Variants in ACOT7 observed in about 807,000 individuals in gnomAD.
ACOT7 encodes the protein cytosolic acyl coenzyme A thioester hydrolase.
In ACOT7, 12 loss-of-function variants were observed where a neutral mutation model predicts 40.2. The observed-to-expected ratio is 0.30, with a 90% CI of 0.19 to 0.48. ACOT7 has a LOEUF of 0.48. Ranked by LOEUF, ACOT7 falls within the 20% of genes least tolerant of loss-of-function variation. The pLI is 0.99. For missense variants in ACOT7, 395 were observed against 530.8 expected, an observed-to-expected ratio of 0.74 and a Z score of 2.51; for synonymous variants, 228 against 219.5, an observed-to-expected ratio of 1.04 and a Z score of -0.34.
intron 6 of ACOT7, among the ~76,000 whole-genome samples, chr1:6,314,848 C>T (rs181403802): frequency 5.9e-5 from 9 of 152,120 alleles, no homozygotes; most frequent in Admixed American, 1.3e-4. Flanking sequence ...GCAGAGACCC[C>T]GCCAACCCTC....
Position 6,358,132 on chromosome 1 carries a change from G to C in ACOT7, c.144-8266C>G, listed in dbSNP as rs1430901996. ...GATCCACCTGCCTCGGCCTCCCAAA[G>C]TGCTGAGATTACAGGCGTGAGTCAC... is the stretch of plus-strand genomic sequence containing the variant. On this transcript the variant is annotated intron_variant, in intron 1 of 8. Transcript: ENST00000361521. The surrounding 1 kb of genome is among the most constrained non-coding windows in gnomAD (Gnocchi z 4.1). Among the ~76,000 whole-genome samples the C allele has an allele frequency of 6.6e-6, 1 of 152,018 alleles. No individual in the cohort carries two copies. Among genetic ancestry groups the C allele is most frequent in the Non-Finnish European group, 1.5e-5 (1 of 67,996 alleles).
intron 1 of ACOT7, among the ~76,000 whole-genome samples, chr1:6,389,417 G>A (rs1020798385): frequency 2.0e-4 from 31 of 152,096 alleles, no homozygotes; most frequent in Non-Finnish European, 3.7e-4. Context: ...TCCCCAGAAA[G>A]CCTTGGAGCT....
intron 4 of ACOT7, among the ~76,000 whole-genome samples, chr1:6,332,399 G>A (rs948377091): frequency 3.9e-5 from 6 of 152,194 alleles, no homozygotes; most frequent in African/African-American, 9.7e-5. Context: ...TTTAGGCAAC[G>A]AATTAAATTT....
At chr1:6,350,974 C>T (rs1324475655) in intron 1 of ACOT7, among the ~76,000 whole-genome samples, 1 of 152,230 alleles carries the variant, frequency 6.6e-6, no homozygotes, top group Non-Finnish European at 1.5e-5. Context: ...GCAGATCGCA[C>T]ACTCACTCCA....
rs534088896 is a variant in ACOT7 at position 6,337,386 on chromosome 1, C to T, written c.418+2047G>A. 1.4e-3 allele frequency among the ~76,000 whole-genome samples: 206 copies of T among 152,358 alleles called. 1 individual carries two copies. Among genetic ancestry groups the T allele is most frequent in the Admixed American group, 2.9e-3 (44 of 15,310 alleles). The stretch of plus-strand genomic sequence containing the variant: ...TCCTCACGAATATGTCAGATTGTGT[C>T]GTCCTCATCAAAACCCCATCAGCCA... On this transcript the variant is annotated intron_variant, in intron 3 of 8. Transcript: ENST00000361521.
In ACOT7 at chr1:6,282,166, A is replaced by G. The variant is rs3827720; in HGVS notation, c.830-880T>C. Among the ~76,000 whole-genome samples, 36,727 of 151,682 alleles carry G rather than the reference A, an allele frequency of 0.24. 7,888 individuals carry two copies. The highest frequency in any genetic ancestry group is 0.58 in the African/African-American group (24,013 of 41,354). The stretch of plus-strand genomic sequence containing the variant: ...GACCCAGAGCTGCTCTTCTGCCCCC[A>G]CCACCCTCCCCGGCCTGGGCTCCAT... On this transcript the variant is annotated intron_variant, in intron 7 of 8. Transcript: ENST00000361521. The surrounding 1 kb of genome is among the most constrained non-coding windows in gnomAD (Gnocchi z 4.5).
intron 1 of ACOT7, among the ~76,000 whole-genome samples, chr1:6,370,472 T>G (rs1441873103): frequency 2.9e-5 from 3 of 102,032 alleles, no homozygotes; most frequent in African/African-American, 9.0e-5. Context: ...ATTATTATTA[T>G]TATTATTATT....
rs1641172476 is a variant in ACOT7 at position 6,338,530 on chromosome 1, C to T, written c.418+903G>A. Among the ~76,000 whole-genome samples, 2 of 152,230 alleles carry T rather than the reference C, an allele frequency of 1.3e-5. No individual in the cohort carries two copies. The highest frequency in any genetic ancestry group is 4.1e-4 in the South Asian group (2 of 4,834). On this transcript the variant is annotated intron_variant, in intron 3 of 8. Transcript: ENST00000361521. This position sits in a 1 kb window ranked among gnomAD's most constrained non-coding sequence, Gnocchi z 4.4. Reference sequence around the variant, plus strand: ...CCCTTGCTCAGCTCCATCTGCCCACCTGCCGGAGCTGGGCTGACACAGCCA... The same window carrying T: ...CCCTTGCTCAGCTCCATCTGCCCACTTGCCGGAGCTGGGCTGACACAGCCA...
In ACOT7 at chr1:6,393,296, C is replaced by A; in HGVS notation, c.104G>T (p.Gly35Val). ...GGCGGACGGCGTCTCGACGTCTGGGCCCGACATGCTGGGGGCTGCGGCGGC... is the reference window on the plus strand; with the variant it reads ...GGCGGACGGCGTCTCGACGTCTGGGACCGACATGCTGGGGGCTGCGGCGGC... ...ASAAAAPSMS[G>V]PDVETPSAIQ... is the part of the protein sequence containing the mutation. Residue 35 changes from glycine to valine, a missense_variant, in exon 1 of 9, where the codon GGC (glycine) becomes GTC (valine). Gly to Val is a moderately radical substitution (Grantham distance 109). This residue lies in a region of ACOT7 where 86 missense variants were observed against 60.5 expected (regional missense o/e 1.42). Transcript: ENST00000361521. 1 of 1,284,400 alleles carries A rather than the reference C, an allele frequency of 7.8e-7. No individual in the cohort carries two copies. The highest frequency in any genetic ancestry group is 9.8e-7 in the Non-Finnish European group (1 of 1,015,320). The allele number at this position is 1,284,400 out of a possible 1,614,324, so 79.6% of individuals were successfully genotyped here. A position where few individuals can be genotyped will look rare whatever the true frequency, so the allele number is the denominator to read the frequency against.
At chr1:6,317,048 A>G (rs1254955891) in intron 6 of ACOT7, among the ~76,000 whole-genome samples, 1 of 152,220 alleles carries the variant, frequency 6.6e-6, no homozygotes, top group Non-Finnish European at 1.5e-5. Flanking sequence ...TGAGTGGAGA[A>G]GAAAACAGAA....
chr1:6,289,819 C>T lies in ACOT7; in HGVS notation c.829+5045G>A, dbSNP rs573176303. On this transcript the variant is annotated intron_variant, in intron 7 of 8. Coordinates refer to ENST00000361521, the MANE Select transcript of ACOT7 (RefSeq NM_007274.4). The surrounding 1 kb of genome is among the most constrained non-coding windows in gnomAD (Gnocchi z 4.6). ...AGCCAAAACTACAGGCTTGAGCCAT[C>T]GTGCCCAGGCCCAGCTATTTTTCTA... 3.0e-4 allele frequency among the ~76,000 whole-genome samples: 45 copies of T among 152,314 alleles called. No homozygotes were observed. Among genetic ancestry groups the T allele is most frequent in the South Asian group, 2.5e-3 (12 of 4,828 alleles).
intron 8 of ACOT7, among the ~76,000 whole-genome samples, chr1:6,268,680 C>T (rs115870803): frequency 0.01 from 1,584 of 152,366 alleles, 29 homozygotes; most frequent in African/African-American, 0.035. Context: ...GCACGCGGCA[C>T]GGCCCGAACG....
intron 4 of ACOT7, among the ~76,000 whole-genome samples, chr1:6,331,470 A>G (rs7525856): frequency 0.99 from 151,003 of 152,352 alleles, 74,837 homozygotes; most frequent in Middle Eastern, 1. Flanking sequence ...TGGAGGGCGC[A>G]GGGCCTTGCC....
At position 6,337,795 on chromosome 1, in the gene ACOT7, C is replaced by T. The variant is rs774396755; in HGVS notation, c.418+1638G>A. 1.2e-4 allele frequency among the ~76,000 whole-genome samples: 19 copies of T among 152,148 alleles called. No individual in the cohort carries two copies. In the Middle Eastern group the frequency reaches 0.014, roughly 109 times the overall value. ...TTTCAGACCACCCTGGCCATCATGG[C>T]GAAACCCTGTCTTTACTAAAAATAC... On this transcript the variant is annotated intron_variant, in intron 3 of 8. Coordinates refer to ENST00000361521, the MANE Select transcript of ACOT7 (RefSeq NM_007274.4).
chr1:6,303,473 G>T (rs1005858028), intron 6 of ACOT7, among the ~76,000 whole-genome samples: 11 of 152,060 alleles, frequency 7.2e-5, no homozygotes, highest in Admixed American at 6.6e-4. Flanking sequence ...TAAAAATAAG[G>T]CTTCATTTTC....
rs1553154531 is a variant in ACOT7 at position 6,274,839 on chromosome 1, G to GGGCGGCGCAGTGCAGGTT, written c.1014+6262_1014+6263insAACCTGCACTGCGCCGCC. Among the ~76,000 whole-genome samples, 1 of 152,178 alleles carries GGGCGGCGCAGTGCAGGTT rather than the reference G, an allele frequency of 6.6e-6. No homozygotes were observed. Among genetic ancestry groups the GGGCGGCGCAGTGCAGGTT allele is most frequent in the Non-Finnish European group, 1.5e-5 (1 of 68,022 alleles). ...TGTGGGTGGGCGGCGCAGTGCAGGT[G>GGGCGGCGCAGTGCAGGTT]GGCAGCGCGTTGGGACTCCCAGGGT... On this transcript the variant is annotated intron_variant, in intron 8 of 8. Coordinates refer to ENST00000361521, the MANE Select transcript of ACOT7 (RefSeq NM_007274.4). The surrounding 1 kb of genome is among the most constrained non-coding windows in gnomAD (Gnocchi z 5.9).
At chr1:6,345,209 T>C (rs1641386596) in intron 2 of ACOT7, among the ~76,000 whole-genome samples, 1 of 152,240 alleles carries the variant, frequency 6.6e-6, no homozygotes, top group Admixed American at 6.5e-5. Flanking sequence ...CACGAGCTCC[T>C]GATCAGCACC....
At chr1:6,375,729 G>T (rs535484074) in intron 1 of ACOT7, among the ~76,000 whole-genome samples, 1 of 148,158 alleles carries the variant, frequency 6.7e-6, no homozygotes, top group South Asian at 2.1e-4. Flanking sequence ...GAGGTCAGGA[G>T]ATCAAGACCA....
intron 6 of ACOT7, among the ~76,000 whole-genome samples, chr1:6,315,538 T>C (rs1425329207): frequency 1.3e-5 from 2 of 151,662 alleles, no homozygotes; most frequent in African/African-American, 4.8e-5. Flanking sequence ...GATCACGGGG[T>C]CAGGAGATCG....
Sources: allele counts gnomAD v4.1 joint callset (sites outside exome capture counted in the v4.1 genomes callset), GRCh38; gene constraint gnomAD v4.1.1; regional missense constraint gnomAD v4.1.1; non-coding constraint Gnocchi (gnomAD v3.1); transcripts MANE v1.5; gene names NCBI Gene and HGNC (gene_info 2026-07-23, HGNC 2026-07-21).